Variants in GALNT8 observed in about 807,000 individuals in gnomAD.
GALNT8 encodes the protein probable polypeptide N-acetylgalactosaminyltransferase 8.
GALNT8 carries 66 observed loss-of-function variants against 62.7 expected under a neutral mutation model. The observed-to-expected ratio is 1.05, with a 90% CI of 0.86 to 1.29. The LOEUF (loss-of-function observed/expected upper bound fraction) is 1.29. Ranked by LOEUF, GALNT8 falls within the 50% of genes most tolerant of loss-of-function variation. GALNT8 has a pLI of 0.00. For missense variants in GALNT8, 771 were observed against 791.8 expected, an observed-to-expected ratio of 0.97 and a Z score of 0.32; for synonymous variants, 288 against 294.3, an observed-to-expected ratio of 0.98 and a Z score of 0.22.
intron 2 of GALNT8, among the ~76,000 whole-genome samples, chr12:4,738,589 T>C (rs1946256222): frequency 6.6e-6 from 1 of 152,024 alleles, no homozygotes; most frequent in Non-Finnish European, 1.5e-5. Flanking sequence ...TGGGCAAACA[T>C]ATAGAAAAAA....
At chr12:4,769,310 C>T (rs184269739) in intron 10 of GALNT8, among the ~76,000 whole-genome samples, 2 of 152,280 alleles carry the variant, frequency 1.3e-5, no homozygotes, top group Admixed American at 1.3e-4. Flanking sequence ...GGCACGGCTC[C>T]AGAAGCAACT....
At chr12:4,732,062 T>A (rs1946224243) in intron 2 of GALNT8, among the ~76,000 whole-genome samples, 1 of 140,838 alleles carries the variant, frequency 7.1e-6, no homozygotes, top group Non-Finnish European at 1.6e-5. Context: ...GCCCTCCCAA[T>A]GTAATATATA....
chr12:4,765,576 GTTTGTTTTGTTTTGT>G lies in GALNT8; in HGVS notation c.1761+40_1761+54del, dbSNP rs540537003. On this transcript the variant is annotated intron_variant, in intron 10 of 10. Coordinates refer to ENST00000252318, the MANE Select transcript of GALNT8 (RefSeq NM_017417.2). The stretch of plus-strand genomic sequence containing the variant: ...GTTATGTGTTTTTGTTTGTTGGTTT[GTTTGTTTTGTTTTGT>G]TTTGTTTTGAGACTGAGTCTTGCTC... 187 of 1,554,686 alleles carry G rather than the reference GTTTGTTTTGTTTTGT, an allele frequency of 1.2e-4. No homozygotes were observed. In the East Asian group the frequency reaches 3.9e-3, roughly 33 times the overall value.
At chr12:4,769,868 C>T (rs920137795) in intron 10 of GALNT8, among the ~76,000 whole-genome samples, 1 of 151,958 alleles carries the variant, frequency 6.6e-6, no homozygotes, top group African/African-American at 2.4e-5. Flanking sequence ...GAGCCCTGAC[C>T]ATTTATTTTA....
Position 4,756,984 on chromosome 12 carries a change from A to G in GALNT8, c.1174-3974A>G, listed in dbSNP as rs150814176. On this transcript the variant is annotated intron_variant, in intron 6 of 10. Transcript: ENST00000252318. ...GGATCATGTCGGGGGGGTTTTCCCC[A>G]GGTGGTTCTCCTGATAGTGAGTGAG... Among the ~76,000 whole-genome samples the G allele has an allele frequency of 1.0e-3, 159 of 152,320 alleles. 1 individual carries two copies. The highest frequency in any genetic ancestry group is 3.7e-3 in the African/African-American group (153 of 41,574).
intron 6 of GALNT8, among the ~76,000 whole-genome samples, chr12:4,753,800 T>C (rs1367056500): frequency 6.6e-6 from 1 of 152,198 alleles, no homozygotes; most frequent in African/African-American, 2.4e-5. Flanking sequence ...TAGTCTTTAC[T>C]GTCTAGGCTT....
rs144660776 is a variant in GALNT8, at chr12:4,756,981, C to T, written c.1174-3977C>T. On this transcript the variant is annotated intron_variant, in intron 6 of 10. Coordinates refer to ENST00000252318, the MANE Select transcript of GALNT8 (RefSeq NM_017417.2). ...ATTGGATCATGTCGGGGGGGTTTTC[C>T]CCAGGTGGTTCTCCTGATAGTGAGT... Among the ~76,000 whole-genome samples, 1,240 of 152,230 alleles carry T rather than the reference C, an allele frequency of 8.1e-3. 18 individuals carry two copies. The highest frequency in any genetic ancestry group is 0.028 in the African/African-American group (1,173 of 41,538).
chr12:4,722,776 G>GCAT (rs1046212900), intron 1 of GALNT8, among the ~76,000 whole-genome samples: 3 of 152,216 alleles, frequency 2.0e-5, no homozygotes, highest in African/African-American at 7.2e-5. Context: ...TGAGAACTGA[G>GCAT]CATTGTCAGG....
intron 2 of GALNT8, among the ~76,000 whole-genome samples, chr12:4,728,670 A>G (rs1478605844): frequency 2.0e-5 from 3 of 152,106 alleles, no homozygotes; most frequent in Non-Finnish European, 4.4e-5. Context: ...TTGGTGATAA[A>G]TGTAAGGGTT....
Position 4,726,663 on chromosome 12 carries a change from C to G in GALNT8, c.343C>G (p.Gln115Glu), listed in dbSNP as rs976962855. 6.2e-7 allele frequency: 1 copy of G among 1,613,926 alleles called. No homozygotes were observed. Among genetic ancestry groups the G allele is most frequent in the East Asian group, 2.2e-5 (1 of 44,854 alleles). Residue 115 changes from glutamine (Q) to glutamate (E), a missense_variant, in exon 2 of 11, where the codon CAA (glutamine) becomes GAA (glutamate). Gln to Glu is a conservative substitution (Grantham distance 29). Transcript: ENST00000252318. The surrounding 1 kb of genome is among the most constrained non-coding windows in gnomAD (Gnocchi z 4.1). ...GAATGAGACAAAGAAGCACAAAACC[C>G]AAATGAAACTCTTCCCACACTCACA... ...KVNETKKHKT[Q>E]MKLFPHSQLF...
intron 2 of GALNT8, among the ~76,000 whole-genome samples, chr12:4,737,200 A>G (rs1237912385): frequency 6.6e-6 from 1 of 152,244 alleles, no homozygotes; most frequent in Non-Finnish European, 1.5e-5. Context: ...GCTCTTTTAG[A>G]GAAGTGACAT....
intron 6 of GALNT8, among the ~76,000 whole-genome samples, chr12:4,752,820 A>G (rs1285070020): frequency 6.6e-6 from 1 of 152,082 alleles, no homozygotes; most frequent in African/African-American, 2.4e-5. Context: ...TTTCTTTCTG[A>G]CTGAAGTACT....
chr12:4,759,234 T>C lies in GALNT8; in HGVS notation c.1174-1724T>C, dbSNP rs541856250. Among the ~76,000 whole-genome samples the C allele has an allele frequency of 2.6e-5, 4 of 152,154 alleles. No homozygotes were observed. The East Asian group carries it at 7.8e-4, about 30-fold the overall frequency. On this transcript the variant is annotated intron_variant, in intron 6 of 10. Transcript: ENST00000252318. The stretch of plus-strand genomic sequence containing the variant: ...TGTTTGGCTAGAGAGAATAATAATA[T>C]CTGAGTGCAAGCTGGATGTAACCTC...
At chr12:4,754,914 G>T (rs1010059754) in intron 6 of GALNT8, among the ~76,000 whole-genome samples, 2 of 152,166 alleles carry the variant, frequency 1.3e-5, no homozygotes, top group African/African-American at 4.8e-5. Context: ...CTGGACCAGG[G>T]ACCACACAAC....
rs775310870 is a variant in GALNT8 at position 4,720,844 on chromosome 12, T to C, written c.167T>C (p.Val56Ala). 1 of 1,610,098 alleles carries C rather than the reference T, an allele frequency of 6.2e-7. No homozygotes were observed. The highest frequency in any genetic ancestry group is 1.3e-5 in the African/African-American group (1 of 74,876). ...CATCTGAATAAACGCTACGGGGCAG[T>C]GATAAAGAGACTCTCCCACTTGGAG... ...PLHLNKRYGA[V>A]IKRLSHLEVE... Residue 56 changes from valine to alanine, a missense_variant, in exon 1 of 11, where the codon GTG becomes GCG. Physicochemically the swap from Val to Ala is moderately conservative, Grantham distance 64. Coordinates refer to ENST00000252318, the MANE Select transcript of GALNT8 (RefSeq NM_017417.2).
chr12:4,758,817 C>T (rs2137540263), intron 6 of GALNT8, among the ~76,000 whole-genome samples: 2 of 151,362 alleles, frequency 1.3e-5, no homozygotes, highest in African/African-American at 2.4e-5. Flanking sequence ...TGCTCTGTTT[C>T]CCAGGCTGGC....
At chr12:4,768,393 C>T (rs1352918513) in intron 10 of GALNT8, 2 of 369,380 alleles carry the variant, frequency 5.4e-6, no homozygotes, top group African/African-American at 4.3e-5. Flanking sequence ...AAATTTTATT[C>T]TCATTTTTTC....
chr12:4,766,614 G>T (rs189245357), intron 10 of GALNT8, among the ~76,000 whole-genome samples: 1 of 152,064 alleles, frequency 6.6e-6, no homozygotes, highest in African/African-American at 2.4e-5. Flanking sequence ...ATGATGACGC[G>T]AGGGTCTTGG....
intron 10 of GALNT8, among the ~76,000 whole-genome samples, chr12:4,770,487 CAATAAATTATTGGTCA>C (rs1946419294): frequency 6.6e-6 from 1 of 151,896 alleles, no homozygotes; most frequent in Non-Finnish European, 1.5e-5. Flanking sequence ...TAAAAGGTCA[CAATAAATTATTGGTCA>C]CAATAATTTA....
Sources: gnomAD v4.1 joint callset for allele counts (sites outside exome capture counted in the v4.1 genomes callset) on GRCh38, gnomAD v4.1.1 for gene constraint, Gnocchi (gnomAD v3.1) non-coding constraint, MANE v1.5 for transcripts, NCBI Gene and HGNC (gene_info 2026-07-23, HGNC 2026-07-21) for gene names.